The following ZDHHC15 variants were observed in gnomAD, a reference collection of about 807,000 sequenced individuals.
ZDHHC15 encodes the protein zDHHC palmitoyltransferase 15.
ZDHHC15 carries 19 observed loss-of-function variants against 31.7 expected under a neutral mutation model. That is an observed-to-expected ratio of 0.60 (90% CI 0.42 to 0.88). The LOEUF (loss-of-function observed/expected upper bound fraction) is 0.88, where lower values mean the gene tolerates loss of function less well. Ranked by LOEUF, ZDHHC15 falls within the 40% of genes least tolerant of loss-of-function variation. The pLI is 0.00. For missense variants in ZDHHC15, 209 were observed against 251.2 expected, an observed-to-expected ratio of 0.83 and a Z score of 1.14; for synonymous variants, 103 against 90.0, an observed-to-expected ratio of 1.14 and a Z score of -0.82.
chrX:75,374,854 T>C (rs1383534581), intron 11 of ZDHHC15, among the ~76,000 whole-genome samples: 2 of 110,737 alleles, frequency 1.8e-5, no homozygotes, highest in Non-Finnish European at 3.8e-5. Flanking sequence ...TTTAAAATTC[T>C]AGAAAATGAA....
intron 10 of ZDHHC15, among the ~76,000 whole-genome samples, chrX:75,389,271 G>T (rs2083215128): frequency 9.0e-6 from 1 of 111,372 alleles, no homozygotes; most frequent in Non-Finnish European, 1.9e-5. Context: ...AACTTGAAAG[G>T]CAGTCTAGGG....
intron 1 of ZDHHC15, among the ~76,000 whole-genome samples, chrX:75,513,161 G>A (rs905996479): frequency 9.0e-6 from 1 of 111,140 alleles, no homozygotes. Flanking sequence ...AGATTTAAAC[G>A]TTAGACCTAA....
chrX:75,399,221 G>C (rs914880794), intron 10 of ZDHHC15, among the ~76,000 whole-genome samples: 1 of 111,398 alleles, frequency 9.0e-6, no homozygotes, highest in Non-Finnish European at 1.9e-5. Flanking sequence ...CCCCCCACCA[G>C]AGCTACTAAG....
At chrX:75,395,328 A>T (rs1309952481) in intron 10 of ZDHHC15, among the ~76,000 whole-genome samples, 1 of 112,000 alleles carries the variant, frequency 8.9e-6, no homozygotes, top group Non-Finnish European at 1.9e-5. Context: ...CAAAAAAAAC[A>T]TTAGATCTGA....
At chrX:75,479,663 A>G (rs377576460) in intron 2 of ZDHHC15, among the ~76,000 whole-genome samples, 9 of 110,040 alleles carry the variant, frequency 8.2e-5, no homozygotes, top group East Asian at 2.9e-4. Flanking sequence ...CCCCTCTCCT[A>G]CCCCCTCACC....
rs1393678810 is a variant in ZDHHC15 at position 75,417,154 on chromosome X, C to A, written c.900G>T (p.Met300Ile). ...GDGHSFPMRS[M>I]NESQNPLLAN... ...CTAGCAGTGGGTTCTGTGACTCATT[C>A]ATAGACCTCATAGGGAAGGAGTGTC... is the stretch of plus-strand genomic sequence containing the variant. The change falls in exon 10 of 12, where the codon ATG becomes ATT. Residue 300 changes from methionine to isoleucine, a missense_variant. By Grantham distance (10) the Met-to-Ile change is conservative (BLOSUM62 1). Coordinates refer to ENST00000373367, the MANE Select transcript of ZDHHC15 (RefSeq NM_144969.3). The A allele has an allele frequency of 2.5e-6, 3 of 1,208,266 alleles. No individual in the cohort carries two copies. The Admixed American group carries it at 6.5e-5, about 26-fold the overall frequency.
chrX:75,439,659 T>C (rs995230538), intron 4 of ZDHHC15, among the ~76,000 whole-genome samples: 9 of 112,218 alleles, frequency 8.0e-5, no homozygotes, highest in Non-Finnish European at 1.5e-4. Context: ...TAAATTCTTT[T>C]CTGGGCAATT....
At chrX:75,510,705 T>A (rs1182958038) in intron 1 of ZDHHC15, among the ~76,000 whole-genome samples, 3 of 80,771 alleles carry the variant, frequency 3.7e-5, no homozygotes, top group Non-Finnish European at 7.0e-5. Context: ...TAGGTATATC[T>A]CCCAATGCTA....
chrX:75,476,159 A>G (rs1363360433), intron 3 of ZDHHC15, among the ~76,000 whole-genome samples: 1 of 111,300 alleles, frequency 9.0e-6, no homozygotes, highest in Non-Finnish European at 1.9e-5. Flanking sequence ...TCATACCTAC[A>G]AACAGAGATA....
chrX:75,383,917 T>G (rs1458521572), intron 10 of ZDHHC15, among the ~76,000 whole-genome samples: 1 of 105,826 alleles, frequency 9.4e-6, no homozygotes, highest in African/African-American at 3.4e-5. Flanking sequence ...TTTTTTTTTG[T>G]ATTTTTAGTA....
intron 10 of ZDHHC15, 105 bp downstream of exon 10, chrX:75,416,982 C>A: frequency 1.7e-6 from 1 of 601,900 alleles, no homozygotes; most frequent in Non-Finnish European, 2.6e-6. Context: ...ATCCAGAGGA[C>A]ACTTATGAGG....
intron 10 of ZDHHC15, among the ~76,000 whole-genome samples, chrX:75,414,890 C>T (rs1331597397): frequency 4.6e-5 from 5 of 108,351 alleles, no homozygotes; most frequent in Middle Eastern, 4.7e-3. Context: ...GTCAGCCTCC[C>T]GAGTAGCTGG....
intron 10 of ZDHHC15, among the ~76,000 whole-genome samples, chrX:75,383,076 G>A (rs1354319535): frequency 1.8e-5 from 2 of 111,407 alleles, no homozygotes; most frequent in South Asian, 3.8e-4. Flanking sequence ...AGGTAAACAG[G>A]AACAAAGGAG....
chrX:75,474,754 T>A (rs940466293), intron 3 of ZDHHC15, among the ~76,000 whole-genome samples: 83 of 110,283 alleles, frequency 7.5e-4, no homozygotes, highest in Non-Finnish European at 1.3e-3. Flanking sequence ...ATTGAAATTA[T>A]TTTTTAAAAA....
intron 1 of ZDHHC15, among the ~76,000 whole-genome samples, chrX:75,514,583 C>T (rs982749015): frequency 6.3e-5 from 7 of 111,597 alleles, no homozygotes; most frequent in African/African-American, 2.3e-4. Context: ...CGAAGCGGGG[C>T]GGGGCATCAC....
In ZDHHC15 at chrX:75,455,395, G is replaced by A. The variant is rs965013172; in HGVS notation, c.259-4473C>T. On this transcript the variant is annotated intron_variant, in intron 3 of 11. Transcript: ENST00000373367. ...AGATGGATTAAAGACTTAAATGTTA[G>A]ACCTAAAACCATAAAAACCCTAGAA... Among the ~76,000 whole-genome samples, 3 of 111,765 alleles carry A rather than the reference G, an allele frequency of 2.7e-5. No homozygotes were observed. In the East Asian group the frequency reaches 8.4e-4, roughly 31 times the overall value.
chrX:75,486,262 C>G (rs1569355650), intron 2 of ZDHHC15, among the ~76,000 whole-genome samples: 1 of 111,818 alleles, frequency 8.9e-6, no homozygotes, highest in Admixed American at 9.5e-5. Context: ...GTCGAAGAAG[C>G]AGTGGGAAGG....
At chrX:75,474,326 A>G (rs1313113486) in intron 3 of ZDHHC15, among the ~76,000 whole-genome samples, 2 of 108,352 alleles carry the variant, frequency 1.8e-5, no homozygotes, top group African/African-American at 6.7e-5. Context: ...TCGGACTCCA[A>G]CTTCTTCATT....
intron 2 of ZDHHC15, among the ~76,000 whole-genome samples, chrX:75,494,236 G>A (rs1338420705): frequency 2.7e-5 from 3 of 111,069 alleles, no homozygotes; most frequent in Non-Finnish European, 3.8e-5. Context: ...GGGACGTGAA[G>A]GACCTCTTCA....
Sources: allele counts gnomAD v4.1 joint callset (sites outside exome capture counted in the v4.1 genomes callset), GRCh38; gene constraint gnomAD v4.1.1; transcripts MANE v1.5; gene names NCBI Gene and HGNC (gene_info 2026-07-23, HGNC 2026-07-21).